CHGB: variants seen among roughly 807,000 people sequenced by gnomAD.
The protein encoded by CHGB is secretogranin-1.
CHGB carries 46 observed loss-of-function variants against 69.9 expected under a neutral mutation model. The ratio of observed to expected loss-of-function variants is 0.66; its 90% CI spans 0.52 to 0.84. The LOEUF (loss-of-function observed/expected upper bound fraction) is 0.84, where lower values mean the gene tolerates loss of function less well. Ranked by LOEUF, CHGB falls within the 40% of genes least tolerant of loss-of-function variation. The probability of loss-of-function intolerance (pLI) is 0.00; values close to 1 mark genes in which losing one functional copy is unlikely to be tolerated. For missense variants in CHGB, 796 were observed against 822.2 expected (o/e 0.97, Z 0.39); for synonymous variants, 312 against 298.2 (o/e 1.05, Z -0.48).
rs573732937 is a variant in CHGB at position 5,921,329 on chromosome 20, C to A, written c.191-1006C>A. On this transcript the variant is annotated intron_variant, in intron 3 of 4. Coordinates refer to ENST00000378961, the MANE Select transcript of CHGB (RefSeq NM_001819.3). ...TTTCAAGTGCTCAACAGCACTTGGG[C>A]TTATGGTGCCTGCAGTGTAGACCCA... 2.6e-5 allele frequency among the ~76,000 whole-genome samples: 4 copies of A among 152,286 alleles called. No individual in the cohort carries two copies. The South Asian group carries it at 8.3e-4, about 32-fold the overall frequency.
intron 3 of CHGB, among the ~76,000 whole-genome samples, chr20:5,918,835 AAAAAAAAAAAG>A (rs2088495671): frequency 1.3e-5 from 2 of 149,610 alleles, no homozygotes; most frequent in South Asian, 2.1e-4. Flanking sequence ...AAAAAAAAAA[AAAAAAAAAAAG>A]AGCAACCTGA....
rs1243897458 is a variant in CHGB at position 5,922,932 on chromosome 20, C to A, written c.788C>A (p.Ser263Tyr). ...GGCCAACCCCGAAGCCAGGAAGAATCTGAGGAAGGTGAGGAAGATGCCACC... is the reference window on the plus strand; with the variant it reads ...GGCCAACCCCGAAGCCAGGAAGAATATGAGGAAGGTGAGGAAGATGCCACC... ...SKGQPRSQEESEEGEEDATSE... is the reference protein window; with the variant it reads ...SKGQPRSQEEYEEGEEDATSE... The change falls in exon 4 of 5, where the codon TCT becomes TAT. Residue 263 changes from serine to tyrosine, a missense_variant. Coordinates refer to ENST00000378961, the MANE Select transcript of CHGB (RefSeq NM_001819.3). The A allele has an allele frequency of 6.2e-6, 10 of 1,612,354 alleles. No homozygotes were observed. The highest frequency in any genetic ancestry group is 7.6e-6 in the Non-Finnish European group (9 of 1,179,300).
intron 3 of CHGB, 88 bp downstream of exon 3, chr20:5,917,007 A>G: frequency 2.5e-6 from 3 of 1,222,250 alleles, no homozygotes; most frequent in Non-Finnish European, 3.6e-6. Context: ...TTTATCTACA[A>G]ATGACCTGGG....
chr20:5,911,785 G>A, intron 1 of CHGB, 103 bp downstream of exon 1: 1 of 1,110,242 alleles, frequency 9.0e-7, no homozygotes, highest in Non-Finnish European at 1.2e-6. Flanking sequence ...GAGAGGGAGG[G>A]TTGAGGGGAA....
chr20:5,916,001 C>T (rs2088473447), intron 1 of CHGB: 1 of 192,212 alleles, frequency 5.2e-6, no homozygotes, highest in East Asian at 1.3e-4. Flanking sequence ...GCATGAGCCA[C>T]CGCACCCAGC....
chr20:5,917,373 CT>C (rs2088481812), intron 3 of CHGB: 1 of 159,536 alleles, frequency 6.3e-6, no homozygotes, highest in Admixed American at 6.0e-5. Context: ...TTTTGCTCTT[CT>C]GACAGTGAGA....
At chr20:5,914,712 C>G (rs1019903903) in intron 1 of CHGB, 4 of 152,174 alleles carry the variant, frequency 2.6e-5, no homozygotes, top group Non-Finnish European at 4.4e-5. Flanking sequence ...GATGAAAGAA[C>G]AGTTGAGTAT....
intron 4 of CHGB, 115 bp downstream of exon 4, chr20:5,924,215 A>G: frequency 7.1e-7 from 1 of 1,414,210 alleles, no homozygotes; most frequent in Non-Finnish European, 9.3e-7. Context: ...CACTATGAAA[A>G]TGGTGCTCTA....
chr20:5,920,010 C>G (rs935604705), intron 3 of CHGB, among the ~76,000 whole-genome samples: 1 of 145,432 alleles, frequency 6.9e-6, no homozygotes, highest in Non-Finnish European at 1.5e-5. Context: ...GTCATCCTTA[C>G]AGCATGACAG....
In CHGB at chr20:5,923,173, A is replaced by G. The variant is rs1238587638; in HGVS notation, c.1029A>G (p.Glu343=). 6.2e-7 allele frequency: 1 copy of G among 1,613,928 alleles called. No homozygotes were observed. Among genetic ancestry groups the G allele is most frequent in the Non-Finnish European group, 8.5e-7 (1 of 1,179,852 alleles). Reference sequence around the variant, plus strand: ...CAGAGGAAGAACCTGAATATGGAGAAGAAATAAAGGGTTATCCAGGCGTCC... The same window carrying G: ...CAGAGGAAGAACCTGAATATGGAGAGGAAATAAAGGGTTATCCAGGCGTCC... The part of the protein sequence containing the change: ...RASEEEPEYG[E]EIKGYPGVQA... The change falls in exon 4 of 5, where the codon GAA becomes GAG. Residue 343 remains glutamate (E), a synonymous_variant. Coordinates refer to ENST00000378961, the MANE Select transcript of CHGB (RefSeq NM_001819.3).
At chr20:5,917,175 C>T in intron 3 of CHGB, 1 of 488,132 alleles carries the variant, frequency 2.0e-6, no homozygotes, top group Non-Finnish European at 3.7e-6. Context: ...GAGTTGAACT[C>T]AGTGATAGTC....
rs762811546 is a variant in CHGB at position 5,922,961 on chromosome 20, G to A, written c.817G>A (p.Glu273Lys). 4 of 1,610,850 alleles carry A rather than the reference G, an allele frequency of 2.5e-6. No homozygotes were observed. The highest frequency in any genetic ancestry group is 3.4e-6 in the Non-Finnish European group (4 of 1,178,454). Residue 273 changes from glutamate (E) to lysine (K), a missense_variant, in exon 4 of 5, where the codon GAG becomes AAG. By Grantham distance (56) the Glu-to-Lys change is moderately conservative. Transcript: ENST00000378961. ...GGAAGGTGAGGAAGATGCCACCTCT[G>A]AGGTGGACAAACGACGCACGAGGCC... ...SEEGEEDATS[E>K]VDKRRTRPRH...
rs751378560 is a variant in CHGB, at chr20:5,922,570, T to G, written c.426T>G (p.Tyr142Ter). ...CGGATGAGCCCCAGTGGAGCCTCTA[T>G]CCCTCCGACAGCCAAGTCTCTGAAG... is the stretch of plus-strand genomic sequence containing the variant. ...ERADEPQWSL[Y>*]PSDSQVSEEV... is the part of the protein sequence containing the mutation. The change falls in exon 4 of 5, where the codon TAT becomes TAG. Residue 142 changes from tyrosine to a stop codon, truncating the protein, a stop_gained. Transcript: ENST00000378961. LOFTEE classifies it high-confidence loss of function. 2 of 1,613,366 alleles carry G rather than the reference T, an allele frequency of 1.2e-6. No individual in the cohort carries two copies.
intron 4 of CHGB, among the ~76,000 whole-genome samples, chr20:5,924,687 G>A (rs2088539551): frequency 6.6e-6 from 1 of 152,154 alleles, no homozygotes; most frequent in Admixed American, 6.5e-5. Context: ...TGATTATGTA[G>A]GTTGGTGCTT....
chr20:5,921,868 G>C (rs1340368166), intron 3 of CHGB, among the ~76,000 whole-genome samples: 1 of 152,160 alleles, frequency 6.6e-6, no homozygotes, highest in Non-Finnish European at 1.5e-5. Context: ...TAACTATCTA[G>C]CTGGATTATT....
chr20:5,918,810 TAAAAAAAAAAAAAAAAAAAAAAA>T (rs71182109), intron 3 of CHGB, among the ~76,000 whole-genome samples: 2 of 31,430 alleles, frequency 6.4e-5, no homozygotes, highest in African/African-American at 1.2e-4. Flanking sequence ...AGTCTCTGTC[TAAAAAAAAAAAAAAAAAAAAAAA>T]AAAAAAAAAA....
intron 3 of CHGB, among the ~76,000 whole-genome samples, chr20:5,918,810 TAAAAAAAAAAAAAAA>T (rs71182109): frequency 4.8e-4 from 15 of 31,456 alleles, no homozygotes; most frequent in South Asian, 2.3e-3. Flanking sequence ...AGTCTCTGTC[TAAAAAAAAAAAAAAA>T]AAAAAAAAAA....
intron 3 of CHGB, 86 bp from the exon 4 acceptor site, chr20:5,922,249 T>A: frequency 7.0e-7 from 1 of 1,421,146 alleles, no homozygotes; most frequent in Non-Finnish European, 9.3e-7. Context: ...TTCAGTGTCA[T>A]CAGGATTTGT....
chr20:5,920,477 C>T (rs989034889), intron 3 of CHGB, among the ~76,000 whole-genome samples: 2 of 152,196 alleles, frequency 1.3e-5, no homozygotes, highest in Non-Finnish European at 2.9e-5. Context: ...TATGAGGGCC[C>T]ACTTCCTGGC....
Sources: allele counts gnomAD v4.1 joint callset (sites outside exome capture counted in the v4.1 genomes callset), GRCh38; gene constraint gnomAD v4.1.1; transcripts MANE v1.5; gene names NCBI Gene and HGNC (gene_info 2026-07-23, HGNC 2026-07-21).